GRM7: variants seen among roughly 807,000 people sequenced by gnomAD.
The protein encoded by GRM7 is glutamate metabotropic receptor 7.
In GRM7, 35 loss-of-function variants were observed where a neutral mutation model predicts 84.5. The ratio of observed to expected loss-of-function variants is 0.41; its 90% CI spans 0.32 to 0.55. The LOEUF (loss-of-function observed/expected upper bound fraction) is 0.55, where lower values mean the gene tolerates loss of function less well. GRM7 is among the 20% of genes least tolerant of loss of function. The pLI, the probability that GRM7 is intolerant of heterozygous loss-of-function variation, is 0.19. For synonymous variants in GRM7, 487 were observed against 455.1 expected (o/e 1.07, Z -0.89); for missense variants, 1,003 against 1,194.6 (o/e 0.84, Z 2.36).
At chr3:7,350,676 A>G (rs1050557996) in intron 4 of GRM7, among the ~76,000 whole-genome samples, 4 of 152,160 alleles carry the variant, frequency 2.6e-5, no homozygotes, top group Non-Finnish European at 5.9e-5. Context: ...ACCACCAAGG[A>G]TAATCCATAA....
chr3:7,312,124 A>G (rs1335720597), intron 4 of GRM7, among the ~76,000 whole-genome samples: 1 of 152,136 alleles, frequency 6.6e-6, no homozygotes, highest in Non-Finnish European at 1.5e-5. Flanking sequence ...GCTCTGTTTA[A>G]CTGAAACCTT....
chr3:7,237,511 A>G (rs1238697005), intron 2 of GRM7, among the ~76,000 whole-genome samples: 1 of 152,032 alleles, frequency 6.6e-6, no homozygotes, highest in African/African-American at 2.4e-5. Context: ...TGAGTGTTAC[A>G]GTTCTTAAAG....
At chr3:7,461,440 G>A in intron 6 of GRM7, 143 bp from the exon 7 acceptor site, 1 of 574,858 alleles carries the variant, frequency 1.7e-6, no homozygotes, top group Non-Finnish European at 3.1e-6. Flanking sequence ...GAATTGCAGG[G>A]GCCGTTTTGG....
chr3:7,245,362 A>G (rs1410078745), intron 2 of GRM7, among the ~76,000 whole-genome samples: 1 of 152,018 alleles, frequency 6.6e-6, no homozygotes, highest in Non-Finnish European at 1.5e-5. Context: ...TCATGGTCAA[A>G]CTAGGGGAAA....
intron 9 of GRM7, among the ~76,000 whole-genome samples, chr3:7,706,553 G>A (rs1334564068): frequency 6.6e-6 from 1 of 152,164 alleles, no homozygotes; most frequent in Non-Finnish European, 1.5e-5. Context: ...ACAGGGAAAG[G>A]ATATAGATTA....
intron 1 of GRM7, among the ~76,000 whole-genome samples, chr3:7,070,821 A>C (rs573189012): frequency 1.4e-3 from 214 of 152,258 alleles, no homozygotes; most frequent in African/African-American, 5.0e-3. Context: ...CAAATTTTGC[A>C]CATCAAATAG....
At chr3:7,157,520 T>C (rs1694492077) in intron 2 of GRM7, among the ~76,000 whole-genome samples, 1 of 152,088 alleles carries the variant, frequency 6.6e-6, no homozygotes, top group South Asian at 2.1e-4. Flanking sequence ...CTTTTTCCTC[T>C]AACTAGATCC....
At chr3:7,217,330 G>C (rs2124864903) in intron 2 of GRM7, among the ~76,000 whole-genome samples, 1 of 152,228 alleles carries the variant, frequency 6.6e-6, no homozygotes, top group Non-Finnish European at 1.5e-5. Flanking sequence ...GCAAAGTACG[G>C]AGTTGTTATA....
intron 8 of GRM7, among the ~76,000 whole-genome samples, chr3:7,654,321 G>A (rs7635055): frequency 0.022 from 3,400 of 152,294 alleles, 60 homozygotes; most frequent in Middle Eastern, 0.065. Context: ...AAAGCACAGT[G>A]TAACTAGCCT....
intron 4 of GRM7, among the ~76,000 whole-genome samples, chr3:7,403,639 A>ATATATATATATATG (rs1695547452): frequency 6.8e-6 from 1 of 146,546 alleles, no homozygotes. Context: ...ATATATATAT[A>ATATATATATATATG]TATATATATA....
chr3:7,644,154 G>A (rs1485439871), intron 8 of GRM7, among the ~76,000 whole-genome samples: 6 of 102,896 alleles, frequency 5.8e-5, no homozygotes, highest in South Asian at 2.9e-4. Context: ...ATGTCTGTAC[G>A]TATATATATA....
At chr3:7,537,279 T>C (rs555796574) in intron 7 of GRM7, among the ~76,000 whole-genome samples, 1 of 152,326 alleles carries the variant, frequency 6.6e-6, no homozygotes, top group South Asian at 2.1e-4. Flanking sequence ...ATTGATGGAT[T>C]GACTTTTCAA....
intron 8 of GRM7, among the ~76,000 whole-genome samples, chr3:7,587,663 A>T (rs1047976463): frequency 6.6e-6 from 1 of 152,220 alleles, no homozygotes; most frequent in African/African-American, 2.4e-5. Context: ...GCTTTAAAAA[A>T]TTACTCATTG....
At chr3:7,337,225 A>C (rs1701455397) in intron 4 of GRM7, among the ~76,000 whole-genome samples, 1 of 152,114 alleles carries the variant, frequency 6.6e-6, no homozygotes, top group African/African-American at 2.4e-5. Flanking sequence ...ACGTCGAAGA[A>C]TAAAGCTGGA....
chr3:7,012,893 A>G (rs1575128934), intron 1 of GRM7, among the ~76,000 whole-genome samples: 1 of 152,146 alleles, frequency 6.6e-6, no homozygotes, highest in Admixed American at 6.5e-5. Context: ...GGTGTGCATC[A>G]TCATATCCAG....
intron 1 of GRM7, among the ~76,000 whole-genome samples, chr3:7,066,985 A>T (rs1355418375): frequency 1.3e-5 from 2 of 152,006 alleles, no homozygotes; most frequent in Non-Finnish European, 2.9e-5. Flanking sequence ...CTTTATGCTT[A>T]AAACTCTCAG....
chr3:7,264,818 A>G (rs895879299), intron 2 of GRM7, among the ~76,000 whole-genome samples: 12 of 152,096 alleles, frequency 7.9e-5, no homozygotes, highest in African/African-American at 2.7e-4. Flanking sequence ...ACAGGCCACA[A>G]AGACTACACC....
In GRM7 at chr3:6,861,320, C is replaced by G. The variant is rs1025740669; in HGVS notation, c.-69C>G. 2.4e-5 allele frequency: 33 copies of G among 1,369,180 alleles called. No homozygotes were observed. Among genetic ancestry groups the G allele is most frequent in the Non-Finnish European group, 3.0e-5 (32 of 1,050,676 alleles). 84.8% of individuals were successfully genotyped at this position (1,369,180 alleles called of 1,614,324 possible). A position where few individuals can be genotyped will look rare whatever the true frequency, so the allele number is the denominator to read the frequency against. On this transcript the variant is annotated 5_prime_UTR_variant, in exon 1 of 10. Coordinates refer to ENST00000357716, the MANE Select transcript of GRM7 (RefSeq NM_000844.4). The surrounding 1 kb of genome is among the most constrained non-coding windows in gnomAD (Gnocchi z 6.4). ...TCCCGGAGGAGCTCGCCCTGAAGGG[C>G]CCGGACCTCGGCGAGCCCACCACCG...
chr3:7,476,431 T>C (rs1158440530), intron 7 of GRM7, among the ~76,000 whole-genome samples: 1 of 151,976 alleles, frequency 6.6e-6, no homozygotes, highest in Admixed American at 6.6e-5. Context: ...CCTGTAGTCT[T>C]AGCTACTTGG....
Sources: allele counts gnomAD v4.1 joint callset (sites outside exome capture counted in the v4.1 genomes callset), GRCh38; gene constraint gnomAD v4.1.1; non-coding constraint Gnocchi (gnomAD v3.1); transcripts MANE v1.5; gene names NCBI Gene and HGNC (gene_info 2026-07-23, HGNC 2026-07-21).